Variants in RASA3 observed in about 807,000 individuals in gnomAD.
RASA3 encodes ras GTPase-activating protein 3.
RASA3 carries 73 observed loss-of-function variants against 110.0 expected under a neutral mutation model. That is an observed-to-expected ratio of 0.66 (90% confidence interval 0.55 to 0.81). The LOEUF (loss-of-function observed/expected upper bound fraction) is 0.81, where lower values mean the gene tolerates loss of function less well. Among genes scored for constraint, RASA3 ranks in the 30% least tolerant of loss-of-function variants. The probability of loss-of-function intolerance (pLI) is 0.00; values close to 1 mark genes in which losing one functional copy is unlikely to be tolerated. For synonymous variants in RASA3, 500 were observed against 451.4 expected (o/e 1.11, Z -1.37); for missense variants, 976 against 1,113.2 (o/e 0.88, Z 1.75).
At chr13:114,079,344 G>A (rs985744878) in intron 1 of RASA3, among the ~76,000 whole-genome samples, 6 of 152,162 alleles carry the variant, frequency 3.9e-5, no homozygotes, top group Admixed American at 1.3e-4. Context: ...AAGCAACCCC[G>A]TCCCAGCAAT....
In RASA3 at chr13:114,112,016, A is replaced by C. The variant is rs2080226272; in HGVS notation, c.55+20419T>G. ...GTGGGAGCTGTAGCGGAAGAGACAA[A>C]AGCAAAAGGCAGATTCGCCCCTTTG... On this transcript the variant is annotated intron_variant, in intron 1 of 23. Coordinates refer to ENST00000334062, the MANE Select transcript of RASA3 (RefSeq NM_007368.4). This position sits in a 1 kb window ranked among gnomAD's most constrained non-coding sequence, Gnocchi z 4.8. 1.3e-5 allele frequency among the ~76,000 whole-genome samples: 2 copies of C among 152,056 alleles called. No homozygotes were observed. The highest frequency in any genetic ancestry group is 4.8e-5 in the African/African-American group (2 of 41,394).
intron 21 of RASA3, among the ~76,000 whole-genome samples, chr13:113,994,131 C>T (rs2053182641): frequency 6.6e-6 from 1 of 151,968 alleles, no homozygotes; most frequent in African/African-American, 2.4e-5. Context: ...AAATTGTTTC[C>T]AACTTATTTT....
intron 2 of RASA3, among the ~76,000 whole-genome samples, chr13:114,070,362 GA>G (rs1343812861): frequency 6.6e-6 from 1 of 152,090 alleles, no homozygotes; most frequent in African/African-American, 2.4e-5. Flanking sequence ...CTCTCAGGTG[GA>G]TGTCGACCAA....
intron 16 of RASA3, among the ~76,000 whole-genome samples, chr13:114,010,557 C>T (rs1355141622): frequency 6.7e-6 from 1 of 149,896 alleles, no homozygotes; most frequent in Non-Finnish European, 1.5e-5. Flanking sequence ...AGGTTCATAT[C>T]CACAGGGAGA....
chr13:114,052,214 G>T, intron 2 of RASA3, 59 bp from the exon 3 acceptor site: 3 of 1,170,062 alleles, frequency 2.6e-6, no homozygotes, highest in Non-Finnish European at 3.8e-6. Flanking sequence ...CCTCACCCCC[G>T]GGGCACACAC....
At chr13:114,032,583 C>T (rs2054189286) in intron 4 of RASA3, among the ~76,000 whole-genome samples, 1 of 152,072 alleles carries the variant, frequency 6.6e-6, no homozygotes, top group Non-Finnish European at 1.5e-5. Flanking sequence ...ACATAAAGCC[C>T]TTCAGCCCTC....
chr13:113,991,557 C>A (rs535868539), intron 22 of RASA3, among the ~76,000 whole-genome samples: 30 of 152,320 alleles, frequency 2.0e-4, no homozygotes, highest in African/African-American at 6.5e-4. Context: ...CTCTGCCTCT[C>A]CTGAATCACA....
rs146459862 is a variant in RASA3, at chr13:114,089,638, C to T, written c.56-15801G>A. Among the ~76,000 whole-genome samples, 619 of 152,308 alleles carry T rather than the reference C, an allele frequency of 4.1e-3. 3 individuals are homozygous for T. The highest frequency in any genetic ancestry group is 6.3e-3 in the Non-Finnish European group (427 of 68,020). ...TGCACAGACATCAGCCGCGCACGGC[C>T]GCCCCACAGCCTGCACACAGGTGTT... On this transcript the variant is annotated intron_variant, in intron 1 of 23. Coordinates refer to ENST00000334062, the MANE Select transcript of RASA3 (RefSeq NM_007368.4).
chr13:114,099,466 T>A (rs1261791285), intron 1 of RASA3, among the ~76,000 whole-genome samples: 1 of 151,474 alleles, frequency 6.6e-6, no homozygotes, highest in East Asian at 1.9e-4. Context: ...TTCCCCGGGG[T>A]GTCCGGGAAT....
Position 114,073,211 on chromosome 13 carries a change from C to T in RASA3, c.173+509G>A, listed in dbSNP as rs71449060. 8.7e-4 allele frequency among the ~76,000 whole-genome samples: 130 copies of T among 149,718 alleles called. No homozygotes were observed. The East Asian group carries it at 0.025, about 28-fold the overall frequency. ...CAGGAAAACGGGACGGTGACGTACA[C>T]GCTCGGGACATTGTCTACGCACAGA... On this transcript the variant is annotated intron_variant, in intron 2 of 23. Transcript: ENST00000334062.
Position 114,009,397 on chromosome 13 carries a change from G to GC in RASA3, c.1657dup (p.Ala553GlyfsTer21). ...TGAGTCGATACTTACGTTCTTCACC[G>GC]CATCAGCATATTTCTGCTCATTGAA... is the stretch of plus-strand genomic sequence containing the variant. On this transcript the variant is annotated frameshift_variant, in exon 17 of 24. Coordinates refer to ENST00000334062, the MANE Select transcript of RASA3 (RefSeq NM_007368.4). LOFTEE classifies it high-confidence loss of function. The GC allele has an allele frequency of 6.2e-7, 1 of 1,611,334 alleles. No homozygotes were observed. Among genetic ancestry groups the GC allele is most frequent in the South Asian group, 1.1e-5 (1 of 91,048 alleles).
At chr13:114,050,520 G>A (rs1166690081) in intron 3 of RASA3, among the ~76,000 whole-genome samples, 1 of 152,226 alleles carries the variant, frequency 6.6e-6, no homozygotes, top group East Asian at 1.9e-4. Flanking sequence ...AAAAATGTCC[G>A]GGTCCCGACC....
intron 2 of RASA3, among the ~76,000 whole-genome samples, chr13:114,063,763 G>A (rs2079400993): frequency 6.8e-6 from 1 of 147,248 alleles, no homozygotes; most frequent in South Asian, 2.2e-4. Context: ...CTGTCCTGAG[G>A]CCTTTGAAAC....
rs775030532 is a variant in RASA3, at chr13:114,014,041, TCTCTCTCTCCGTCTGTCTCTGC to T, written c.1406-815_1406-794del. ...CTCCATCTCTCTCTCTCCGTCTCTA[TCTCTCTCTCCGTCTGTCTCTGC>T]CTCTCTCTCCGTCTGTCTCTGCCTC... On this transcript the variant is annotated intron_variant, in intron 14 of 23. Coordinates refer to ENST00000334062, the MANE Select transcript of RASA3 (RefSeq NM_007368.4). The surrounding 1 kb of genome is among the most constrained non-coding windows in gnomAD (Gnocchi z 4.5). 0.09 allele frequency among the ~76,000 whole-genome samples: 13,083 copies of T among 145,788 alleles called. 727 individuals carry two copies. The highest frequency in any genetic ancestry group is 0.13 in the Middle Eastern group (36 of 280).
chr13:114,105,232 C>T (rs2139749076), intron 1 of RASA3, among the ~76,000 whole-genome samples: 1 of 152,208 alleles, frequency 6.6e-6, no homozygotes, highest in Non-Finnish European at 1.5e-5. Flanking sequence ...CCACGCAAGC[C>T]CCCACCCTGC....
At chr13:114,069,470 A>G (rs1276717778) in intron 2 of RASA3, among the ~76,000 whole-genome samples, 70 of 55,392 alleles carry the variant, frequency 1.3e-3, no homozygotes, top group African/African-American at 2.3e-3. Context: ...GGGCTGGGAG[A>G]CTCGGGGGCC....
chr13:114,075,012 G>T (rs1465037429), intron 1 of RASA3, among the ~76,000 whole-genome samples: 2 of 152,138 alleles, frequency 1.3e-5, no homozygotes, highest in African/African-American at 4.8e-5. Flanking sequence ...CCTCCCCAGG[G>T]CCTTTTCTGC....
rs750682161 is a variant in RASA3, at chr13:114,041,088, A to C, written c.284T>G (p.Val95Gly). The C allele has an allele frequency of 6.2e-7, 1 of 1,613,682 alleles. No homozygotes were observed. The highest frequency in any genetic ancestry group is 8.5e-7 in the Non-Finnish European group (1 of 1,179,972). ...CTGCAAGTCCTCCTTCTGGATGGCC[A>C]CCTTCCCTGCAACACAAGCAGAGAA... ...VFRRDSIIGK[V>G]AIQKEDLQKY... Residue 95 changes from valine (V) to glycine (G), a missense_variant, in exon 4 of 24, where the codon GTG becomes GGG. Coordinates refer to ENST00000334062, the MANE Select transcript of RASA3 (RefSeq NM_007368.4).
Position 114,007,672 on chromosome 13 carries a change from T to C in RASA3, c.1669-66A>G, listed in dbSNP as rs188179523. 81 of 1,344,634 alleles carry C rather than the reference T, an allele frequency of 6.0e-5. No homozygotes were observed. The African/African-American group carries it at 9.9e-4, about 16-fold the overall frequency. The allele number at this position is 1,344,634 out of a possible 1,614,324, so 83.3% of individuals were successfully genotyped here. A position where few individuals can be genotyped will look rare whatever the true frequency, so the allele number is the denominator to read the frequency against. The stretch of plus-strand genomic sequence containing the variant: ...CATCTGACGTGCACGGCTCTCTGTA[T>C]AACAACAGCGTCGGCGGCTACTGCC... On this transcript the variant is annotated intron_variant, in intron 17 of 23. Coordinates refer to ENST00000334062, the MANE Select transcript of RASA3 (RefSeq NM_007368.4).
Sources: allele counts gnomAD v4.1 joint callset (sites outside exome capture counted in the v4.1 genomes callset), GRCh38; gene constraint gnomAD v4.1.1; non-coding constraint Gnocchi (gnomAD v3.1); transcripts MANE v1.5; gene names NCBI Gene and HGNC (gene_info 2026-07-23, HGNC 2026-07-21).